PIKFYVE: variants seen among roughly 807,000 people sequenced by gnomAD.
PIKFYVE encodes the protein phosphoinositide kinase, FYVE-type zinc finger containing.
Under a neutral mutation model 257.9 loss-of-function variants are expected in PIKFYVE, and 122 were observed. That is an observed-to-expected ratio of 0.47 (90% confidence interval 0.41 to 0.55). The LOEUF is 0.55. Among genes scored for constraint, PIKFYVE ranks in the 20% least tolerant of loss-of-function variants. The probability of loss-of-function intolerance (pLI) is 0.00; values close to 1 mark genes in which losing one functional copy is unlikely to be tolerated. For synonymous variants in PIKFYVE, 892 were observed against 868.9 expected (o/e 1.03, Z -0.47); for missense variants, 2,160 against 2,536.6 (o/e 0.85, Z 3.19).
At position 208,300,991 on chromosome 2, in the gene PIKFYVE, A is replaced by T. The variant is rs1693610653; in HGVS notation, c.1105A>T (p.Met369Leu). 6.2e-7 allele frequency: 1 copy of T among 1,614,022 alleles called. No individual in the cohort carries two copies. The highest frequency in any genetic ancestry group is 1.1e-5 in the South Asian group (1 of 91,090). ...WKKICHHSSG[M>L]EFQDHRYWLR... ...AAAAATCTGCCATCACAGCAGTGGAATGGAGTTTCAGGATCACCGCTACTG... is the reference window on the plus strand; with the variant it reads ...AAAAATCTGCCATCACAGCAGTGGATTGGAGTTTCAGGATCACCGCTACTG... Residue 369 changes from methionine to leucine, a missense_variant, in exon 9 of 42, where the codon ATG (methionine) becomes TTG (leucine). Physicochemically the swap from Met to Leu is conservative, Grantham distance 15. Around this residue, in one of 12 missense-constraint regions of PIKFYVE, gnomAD observed 3 missense variants for 17.5 expected, o/e 0.17. Transcript: ENST00000264380.
rs1295434239 is a variant in PIKFYVE at position 208,350,161 on chromosome 2, C to G, written c.5434+78C>G. ...CATCTCTATTATTTGAGAATTCTAG[C>G]TTCATACTAAATAAATGTCCCAGTT... On this transcript the variant is annotated intron_variant, in intron 36 of 41. Transcript: ENST00000264380. The G allele has an allele frequency of 3.2e-6, 5 of 1,572,790 alleles. No individual in the cohort carries two copies. In the East Asian group the frequency reaches 9.1e-5, roughly 29 times the overall value.
intron 23 of PIKFYVE, among the ~76,000 whole-genome samples, chr2:208,332,447 C>T (rs1697653055): frequency 6.6e-6 from 1 of 152,124 alleles, no homozygotes; most frequent in Admixed American, 6.6e-5. Context: ...CTTTGACTTA[C>T]CAATTCCCAC....
rs776131894 is a variant in PIKFYVE at position 208,314,323 on chromosome 2, A to C, written c.1726A>C (p.Lys576Gln). 6.2e-7 allele frequency: 1 copy of C among 1,613,702 alleles called. No individual in the cohort carries two copies. The highest frequency in any genetic ancestry group is 1.3e-5 in the African/African-American group (1 of 74,920). ...ESLFNRRVEE[K>Q]SKELPFTPLG... is the part of the protein sequence containing the mutation. Reference sequence around the variant, plus strand: ...CTTATTTAATCGCCGAGTAGAGGAAAAATCCAAAGAGCTGCCTTTCACACC... The same window carrying C: ...CTTATTTAATCGCCGAGTAGAGGAACAATCCAAAGAGCTGCCTTTCACACC... Residue 576 changes from lysine (K) to glutamine (Q), a missense_variant, in exon 14 of 42, where the codon AAA becomes CAA. By Grantham distance (53) the Lys-to-Gln change is moderately conservative (BLOSUM62 1). This residue lies in a region of PIKFYVE where 346 missense variants were observed against 365.6 expected (regional missense o/e 0.95). Transcript: ENST00000264380.
chr2:208,288,589 A>G, intron 6 of PIKFYVE, 140 bp from the exon 7 acceptor site: 1 of 1,324,536 alleles, frequency 7.5e-7, no homozygotes, highest in Non-Finnish European at 1.0e-6. Flanking sequence ...TTACACCCTA[A>G]TTAAAGGAAG....
At position 208,298,791 on chromosome 2, in the gene PIKFYVE, G is replaced by T. The variant is rs751888296; in HGVS notation, c.1050+12G>T. On this transcript the variant is annotated intron_variant, in intron 8 of 41. Transcript: ENST00000264380. The stretch of plus-strand genomic sequence containing the variant: ...GCAAAATTCTTCTGGTACTGGTCCA[G>T]TATCTTTGACCCATTGCTAGTTTTG... 1.7e-5 allele frequency: 28 copies of T among 1,613,676 alleles called. No individual in the cohort carries two copies. Among genetic ancestry groups the T allele is most frequent in the Non-Finnish European group, 2.5e-6 (3 of 1,179,776 alleles).
At chr2:208,341,508 G>T (rs1391616341) in intron 31 of PIKFYVE, among the ~76,000 whole-genome samples, 1 of 152,040 alleles carries the variant, frequency 6.6e-6, no homozygotes, top group African/African-American at 2.4e-5. Context: ...ATGCTGCTCT[G>T]ATGAATTACC....
chr2:208,324,768 G>A, intron 18 of PIKFYVE, 143 bp from the exon 19 acceptor site: 2 of 1,006,122 alleles, frequency 2.0e-6, no homozygotes, highest in Non-Finnish European at 2.9e-6. Flanking sequence ...GAAGAATCCA[G>A]AATAAAAAAA....
At chr2:208,294,842 C>G (rs991480125) in intron 7 of PIKFYVE, among the ~76,000 whole-genome samples, 6 of 152,136 alleles carry the variant, frequency 3.9e-5, no homozygotes, top group African/African-American at 1.4e-4. Context: ...ACAGAATGCT[C>G]TGACGTATTT....
intron 7 of PIKFYVE, among the ~76,000 whole-genome samples, chr2:208,289,870 C>T (rs12694105): frequency 0.93 from 141,424 of 152,078 alleles, 66,286 homozygotes; most frequent in Non-Finnish European, 0.98. Context: ...ATCTGGCCAT[C>T]GTTTTTTATA....
chr2:208,333,497 A>G lies in PIKFYVE; in HGVS notation c.4142+4A>G, dbSNP rs199912042. 6.2e-7 allele frequency: 1 copy of G among 1,612,106 alleles called. No homozygotes were observed. Among genetic ancestry groups the G allele is most frequent in the African/African-American group, 1.3e-5 (1 of 74,998 alleles). The stretch of plus-strand genomic sequence containing the variant: ...ACCAGATGGTGGCGTCTTTCAGGTA[A>G]GAAATCCTAGGAATCTTGTGCATGA... On this transcript the variant is annotated splice_donor_region_variant and intron_variant, in intron 24 of 41. Coordinates refer to ENST00000264380, the MANE Select transcript of PIKFYVE (RefSeq NM_015040.4).
At chr2:208,280,554 G>A (rs1352861941) in intron 5 of PIKFYVE, among the ~76,000 whole-genome samples, 11 of 152,160 alleles carry the variant, frequency 7.2e-5, no homozygotes, top group Non-Finnish European at 1.6e-4. Flanking sequence ...AGTCGCCTTG[G>A]TAAAAGCATA....
At chr2:208,273,931 A>C in intron 3 of PIKFYVE, 198 bp downstream of exon 3, 1 of 1,482,564 alleles carries the variant, frequency 6.7e-7, no homozygotes, top group Non-Finnish European at 9.3e-7. Flanking sequence ...CACCTGAAAA[A>C]ATTCTTAAAC....
At chr2:208,314,558 C>T in intron 14 of PIKFYVE, 135 bp downstream of exon 14, 1 of 1,074,226 alleles carries the variant, frequency 9.3e-7, no homozygotes, top group Admixed American at 2.5e-5. Context: ...ACTAAGGTTA[C>T]TTAGGAAATA....
intron 13 of PIKFYVE, among the ~76,000 whole-genome samples, chr2:208,313,138 T>C (rs1695108702): frequency 6.6e-6 from 1 of 152,240 alleles, no homozygotes; most frequent in Non-Finnish European, 1.5e-5. Context: ...TTTGTTTGTT[T>C]TGCTTTTAAG....
At chr2:208,271,036 CA>C (rs199927508) in intron 1 of PIKFYVE, among the ~76,000 whole-genome samples, 2,167 of 80,430 alleles carry the variant, frequency 0.027, 15 homozygotes, top group African/African-American at 0.028. Context: ...ACTCCATCTC[CA>C]AAAAAAAAAA....
chr2:208,323,190 G>A (rs9750133), intron 17 of PIKFYVE, among the ~76,000 whole-genome samples: 148,304 of 149,312 alleles, frequency 0.99, 73,662 homozygotes, highest in Middle Eastern at 1. Flanking sequence ...TACATGTGCC[G>A]TGCTGGTGTG....
rs183168727 is a variant in PIKFYVE at position 208,356,181 on chromosome 2, A to G, written c.*876A>G. On this transcript the variant is annotated 3_prime_UTR_variant, in exon 42 of 42. Transcript: ENST00000264380. ...GAAAGATTTTTGAAATATAAAAAAT[A>G]AATTAGGCCCAATCCAAGAAATTGA... 2.7e-4 allele frequency: 41 copies of G among 152,346 alleles called. No individual in the cohort carries two copies. Among genetic ancestry groups the G allele is most frequent in the African/African-American group, 9.4e-4 (39 of 41,576 alleles). 9.4% of individuals were successfully genotyped at this position (152,346 alleles called of 1,614,324 possible). A position where few individuals can be genotyped will look rare whatever the true frequency, so the allele number is the denominator to read the frequency against.
At chr2:208,323,918 G>T (rs1166935251) in intron 17 of PIKFYVE, among the ~76,000 whole-genome samples, 1 of 151,622 alleles carries the variant, frequency 6.6e-6, no homozygotes, top group South Asian at 2.1e-4. Flanking sequence ...CTTTTGAGAA[G>T]TGTCTGTTCA....
intron 16 of PIKFYVE, 30 bp from the exon 17 acceptor site, chr2:208,320,222 A>G (rs370017716): frequency 1.9e-6 from 3 of 1,605,422 alleles, no homozygotes; most frequent in Non-Finnish European, 1.7e-6. Flanking sequence ...AAACCTTTAA[A>G]CACTTTAACA....
Sources: allele counts gnomAD v4.1 joint callset (sites outside exome capture counted in the v4.1 genomes callset), GRCh38; gene constraint gnomAD v4.1.1; regional missense constraint gnomAD v4.1.1; transcripts MANE v1.5; gene names NCBI Gene and HGNC (gene_info 2026-07-23, HGNC 2026-07-21).